FAM53A: variants seen among roughly 807,000 people sequenced by gnomAD.
FAM53A encodes the protein protein FAM53A.
In FAM53A, 28 loss-of-function variants were observed where a neutral mutation model predicts 26.6. The observed-to-expected ratio is 1.05, with a 90% CI of 0.78 to 1.45. The LOEUF (loss-of-function observed/expected upper bound fraction) is 1.45, where lower values mean the gene tolerates loss of function less well. Among genes scored for constraint, FAM53A ranks in the 40% most tolerant of loss-of-function variants. The pLI is 0.00. For missense variants in FAM53A, 650 were observed against 575.8 expected, an observed-to-expected ratio of 1.13 and a Z score of -1.32; for synonymous variants, 290 against 253.1, an observed-to-expected ratio of 1.15 and a Z score of -1.38.
At chr4:1,596,948 G>A in the FAM53A span, among the ~76,000 whole-genome samples, 6 of 152,082 alleles carry the variant, frequency 3.9e-5, no homozygotes, top group Admixed American at 1.3e-4. Flanking sequence ...AAAGGCCCCC[G>A]GGGGCTCGCC....
At chr4:1,633,988 C>T (rs148023754) in intron 1 of FAM53A, among the ~76,000 whole-genome samples, 1 of 152,138 alleles carries the variant, frequency 6.6e-6, no homozygotes, top group African/African-American at 2.4e-5. Flanking sequence ...GCTGGGGGAG[C>T]GCCCGGGGTT....
At chr4:1,664,552 C>T (rs1300320083) in intron 2 of FAM53A, among the ~76,000 whole-genome samples, 13 of 152,174 alleles carry the variant, frequency 8.5e-5, no homozygotes, top group Non-Finnish European at 4.4e-5. Context: ...TGACTTGTTT[C>T]CTTGAATGTT....
intron 4 of FAM53A, among the ~76,000 whole-genome samples, chr4:1,645,483 G>A (rs933839511): frequency 2.0e-5 from 3 of 152,192 alleles, no homozygotes; most frequent in East Asian, 3.9e-4. Flanking sequence ...CAACCTGCTC[G>A]GGCTGTGAGG....
At chr4:1,679,906 G>A (rs1715298576) in intron 1 of FAM53A, among the ~76,000 whole-genome samples, 1 of 151,498 alleles carries the variant, frequency 6.6e-6, no homozygotes, top group African/African-American at 2.4e-5. Context: ...AAATTTAGCT[G>A]GGCATGATGG....
Position 1,659,389 on chromosome 4 carries a change from C to T in FAM53A, c.76-1921G>A, listed in dbSNP as rs772484542. Among the ~76,000 whole-genome samples the T allele has an allele frequency of 2.0e-5, 3 of 152,258 alleles. No homozygotes were observed. The highest frequency in any genetic ancestry group is 4.8e-5 in the African/African-American group (2 of 41,476). ...CTCTCCTCCTGTTCCGCACAGCACC[C>T]GTTCCCCGGGGCCACATGAACAGCA... On this transcript the variant is annotated intron_variant, in intron 2 of 4. Coordinates refer to ENST00000308132, the MANE Select transcript of FAM53A (RefSeq NM_001174070.3). This position sits in a 1 kb window ranked among gnomAD's most constrained non-coding sequence, Gnocchi z 5.2.
intron 1 of FAM53A, among the ~76,000 whole-genome samples, chr4:1,672,317 GACCCACAA>G (rs1714734737): frequency 1.4e-5 from 1 of 73,874 alleles, no homozygotes; most frequent in South Asian, 6.0e-4. Context: ...TGAACCCATG[GACCCACAA>G]ACCCAGGAAC....
downstream of FAM53A, among the ~76,000 whole-genome samples, chr4:1,615,182 C>T (rs1714761397): frequency 6.6e-6 from 1 of 151,152 alleles, no homozygotes; most frequent in Non-Finnish European, 1.5e-5. Flanking sequence ...CGGCTACGCC[C>T]ACCCTACTTG....
chr4:1,634,363 G>C (rs1414085891), intron 1 of FAM53A, among the ~76,000 whole-genome samples: 2 of 152,086 alleles, frequency 1.3e-5, no homozygotes, highest in Non-Finnish European at 1.5e-5. Flanking sequence ...CACACACACA[G>C]AGGAAAGCAG....
At chr4:1,592,465 G>C in the FAM53A span, among the ~76,000 whole-genome samples, 1 of 152,236 alleles carries the variant, frequency 6.6e-6, no homozygotes, top group African/African-American at 2.4e-5. Flanking sequence ...GAGGGGGCCA[G>C]GGGGCAGGAT....
the FAM53A span, among the ~76,000 whole-genome samples, chr4:1,595,102 G>A: frequency 6.6e-6 from 1 of 152,218 alleles, no homozygotes; most frequent in African/African-American, 2.4e-5. Context: ...GCCAGGGACG[G>A]GGAGGCACAG....
the FAM53A span, among the ~76,000 whole-genome samples, chr4:1,593,048 C>G: frequency 6.6e-6 from 1 of 152,106 alleles, no homozygotes; most frequent in Non-Finnish European, 1.5e-5. Context: ...GGGCCGAGGG[C>G]CCATGCGGAG....
chr4:1,654,539 A>G (rs1713146854), intron 4 of FAM53A, among the ~76,000 whole-genome samples: 1 of 152,248 alleles, frequency 6.6e-6, no homozygotes, highest in South Asian at 2.1e-4. Context: ...CACACCCACC[A>G]GCTCCCACAA....
chr4:1,656,121 G>GCCCC (rs896116933), intron 3 of FAM53A, among the ~76,000 whole-genome samples: 10 of 152,172 alleles, frequency 6.6e-5, no homozygotes, highest in Admixed American at 1.3e-4. Flanking sequence ...ACTCTCCAGG[G>GCCCC]CCCCTTCTTA....
intron 1 of FAM53A, among the ~76,000 whole-genome samples, chr4:1,624,347 C>A (rs917889784): frequency 2.0e-5 from 3 of 152,150 alleles, no homozygotes; most frequent in African/African-American, 7.2e-5. Flanking sequence ...ACACAGGTAT[C>A]CCTGCTTCAT....
chr4:1,622,754 T>G (rs1577082276), intron 1 of FAM53A, among the ~76,000 whole-genome samples: 1 of 152,282 alleles, frequency 6.6e-6, no homozygotes, highest in South Asian at 2.1e-4. Flanking sequence ...CAGCCATCTC[T>G]GCCTCCCTCA....
the FAM53A span, among the ~76,000 whole-genome samples, chr4:1,611,445 C>A: frequency 6.6e-6 from 1 of 152,216 alleles, no homozygotes; most frequent in Non-Finnish European, 1.5e-5. Context: ...AGAGGCTCCT[C>A]ACCAGTCCCA....
the FAM53A span, among the ~76,000 whole-genome samples, chr4:1,603,059 G>A: frequency 6.6e-6 from 1 of 152,198 alleles, no homozygotes; most frequent in South Asian, 2.1e-4. Flanking sequence ...GAGTTCAGAG[G>A]TTGCGTCCTC....
chr4:1,622,987 C>G (rs7663492), intron 1 of FAM53A, among the ~76,000 whole-genome samples: 3 of 152,104 alleles, frequency 2.0e-5, no homozygotes, highest in Non-Finnish European at 2.9e-5. Context: ...AGGCAACCTA[C>G]GATCGCTCTT....
intron 1 of FAM53A, among the ~76,000 whole-genome samples, chr4:1,622,996 T>C (rs1715113446): frequency 6.6e-6 from 1 of 152,214 alleles, no homozygotes; most frequent in Non-Finnish European, 1.5e-5. Context: ...ACGATCGCTC[T>C]TGTGCCCATG....
Sources: allele counts gnomAD v4.1 joint callset (sites outside exome capture counted in the v4.1 genomes callset), GRCh38; gene constraint gnomAD v4.1.1; non-coding constraint Gnocchi (gnomAD v3.1); transcripts MANE v1.5; gene names NCBI Gene and HGNC (gene_info 2026-07-23, HGNC 2026-07-21).